Variants in LDLRAD4 observed in about 807,000 individuals in gnomAD.
The protein encoded by LDLRAD4 is low-density lipoprotein receptor class A domain-containing protein 4.
In LDLRAD4, 5 loss-of-function variants were observed where a neutral mutation model predicts 17.0. The observed-to-expected ratio is 0.29, with a 90% CI of 0.15 to 0.62. LDLRAD4 has a LOEUF of 0.62. Among genes scored for constraint, LDLRAD4 ranks in the 20% least tolerant of loss-of-function variants. LDLRAD4 has a pLI of 0.84. For synonymous variants in LDLRAD4, 168 were observed against 171.8 expected, an observed-to-expected ratio of 0.98 and a Z score of 0.17; for missense variants, 340 against 424.7, an observed-to-expected ratio of 0.80 and a Z score of 1.75.
intron 3 of LDLRAD4, among the ~76,000 whole-genome samples, chr18:13,518,710 G>T (rs950891018): frequency 1.3e-5 from 2 of 152,184 alleles, no homozygotes; most frequent in Non-Finnish European, 2.9e-5. Context: ...ATACCCACCA[G>T]ATGTCTTGGA....
intron 1 of LDLRAD4, among the ~76,000 whole-genome samples, chr18:13,371,084 T>C (rs1217926685): frequency 6.6e-6 from 1 of 152,230 alleles, no homozygotes; most frequent in Non-Finnish European, 1.5e-5. Flanking sequence ...CTGTGGCTCC[T>C]GGCGGACTCT....
intron 3 of LDLRAD4, among the ~76,000 whole-genome samples, chr18:13,604,371 G>T (rs1257383834): frequency 1.3e-5 from 2 of 152,224 alleles, no homozygotes; most frequent in Non-Finnish European, 2.9e-5. Context: ...CCCCAGGGGT[G>T]CGGTCACTTG....
At chr18:13,510,067 A>G (rs908786373) in intron 3 of LDLRAD4, among the ~76,000 whole-genome samples, 3 of 152,232 alleles carry the variant, frequency 2.0e-5, no homozygotes, top group Non-Finnish European at 2.9e-5. Flanking sequence ...CTTTGTTGCA[A>G]TATTCACTTT....
At chr18:13,604,244 G>A (rs1022629893) in intron 3 of LDLRAD4, among the ~76,000 whole-genome samples, 2 of 152,216 alleles carry the variant, frequency 1.3e-5, no homozygotes, top group African/African-American at 2.4e-5. Flanking sequence ...AGGTCTTGGA[G>A]CCACCTGGAC....
chr18:13,577,585 G>A (rs1274993954), intron 3 of LDLRAD4, among the ~76,000 whole-genome samples: 1 of 152,084 alleles, frequency 6.6e-6, no homozygotes, highest in Non-Finnish European at 1.5e-5. Context: ...AAACTAAAAC[G>A]GGAAGTCATT....
rs371706122 is a variant in LDLRAD4, at chr18:13,633,623, T to A, written c.337-9736T>A. Among the ~76,000 whole-genome samples the A allele has an allele frequency of 1.6e-4, 25 of 152,338 alleles. No homozygotes were observed. In the South Asian group the frequency reaches 4.8e-3, roughly 29 times the overall value. ...CAAATTGTGACACACCTGGCCAAAT[T>A]GTGACACACCTGGCCAAATTGTGAC... On this transcript the variant is annotated intron_variant, in intron 4 of 5. Coordinates refer to ENST00000359446, the Ensembl canonical transcript of LDLRAD4.
At chr18:13,250,904 A>G (rs1462300831) in intron 1 of LDLRAD4, among the ~76,000 whole-genome samples, 1 of 152,248 alleles carries the variant, frequency 6.6e-6, no homozygotes. Flanking sequence ...CCCTGACACA[A>G]AAAGCAAATA....
chr18:13,566,552 G>A (rs1248671396), intron 3 of LDLRAD4, among the ~76,000 whole-genome samples: 2 of 151,940 alleles, frequency 1.3e-5, no homozygotes, highest in African/African-American at 2.4e-5. Flanking sequence ...TAGTAGAGAC[G>A]GGGTTTCACC....
intron 2 of LDLRAD4, among the ~76,000 whole-genome samples, chr18:13,390,514 A>G (rs1325657215): frequency 6.6e-6 from 1 of 152,098 alleles, no homozygotes; most frequent in Non-Finnish European, 1.5e-5. Context: ...TCTTGGCATC[A>G]CCTAGACCTG....
At chr18:13,389,725 C>T (rs900408268) in intron 2 of LDLRAD4, among the ~76,000 whole-genome samples, 1 of 152,180 alleles carries the variant, frequency 6.6e-6, no homozygotes, top group South Asian at 2.1e-4. Context: ...GTGGCTCCCA[C>T]TGAGACACCC....
intron 3 of LDLRAD4, chr18:13,520,628 G>C (rs1432882219): frequency 6.6e-6 from 1 of 152,218 alleles, no homozygotes; most frequent in African/African-American, 2.4e-5. Flanking sequence ...CAAGATGGGA[G>C]GGTCTCTTGA....
intron 1 of LDLRAD4, among the ~76,000 whole-genome samples, chr18:13,247,266 A>T (rs1003112870): frequency 6.6e-6 from 1 of 152,202 alleles, no homozygotes; most frequent in African/African-American, 2.4e-5. Context: ...CAGAAGACTT[A>T]CGAAGATTGT....
At chr18:13,404,116 A>C (rs552101273) in intron 2 of LDLRAD4, among the ~76,000 whole-genome samples, 1 of 152,380 alleles carries the variant, frequency 6.6e-6, no homozygotes, top group South Asian at 2.1e-4. Flanking sequence ...ATAAGAGGCC[A>C]GTATTTTCAG....
At position 13,567,705 on chromosome 18, in the gene LDLRAD4, T is replaced by C. The variant is rs554859362; in HGVS notation, c.182-53412T>C. On this transcript the variant is annotated intron_variant, in intron 3 of 5. Coordinates refer to ENST00000359446, the Ensembl canonical transcript of LDLRAD4. ...GGTCATAATTGTGACGTTGGTAAAA[T>C]AGAGAAAGTTCCCTTTTGAAAATTG... Among the ~76,000 whole-genome samples, 4 of 151,562 alleles carry C rather than the reference T, an allele frequency of 2.6e-5. No individual in the cohort carries two copies. The East Asian group carries it at 7.7e-4, about 29-fold the overall frequency.
chr18:13,422,958 C>CAACTCCCTGGGGAGTCTAGCAGG (rs1308935377), intron 2 of LDLRAD4, among the ~76,000 whole-genome samples: 4 of 152,024 alleles, frequency 2.6e-5, no homozygotes, highest in Non-Finnish European at 5.9e-5. Flanking sequence ...GAGCTGGTAG[C>CAACTCCCTGGGGAGTCTAGCAGG]AACTCCCTGG....
intron 1 of LDLRAD4, among the ~76,000 whole-genome samples, chr18:13,376,447 C>G (rs1319048463): frequency 6.6e-6 from 1 of 152,212 alleles, no homozygotes; most frequent in Non-Finnish European, 1.5e-5. Context: ...GTTATATTCC[C>G]TCTTGCCAGC....
intron 3 of LDLRAD4, among the ~76,000 whole-genome samples, chr18:13,576,609 C>T (rs1436779768): frequency 3.9e-5 from 6 of 152,230 alleles, no homozygotes; most frequent in Admixed American, 2.0e-4. Flanking sequence ...GGGTGCTGTC[C>T]GGGGTCAGTT....
chr18:13,586,405 T>TGAAAAAAAAAAAAAA (rs1568371771), intron 3 of LDLRAD4, among the ~76,000 whole-genome samples: 1 of 1,612 alleles, frequency 6.2e-4, no homozygotes, highest in South Asian at 0.011. Context: ...AGACTCTGTC[T>TGAAAAAAAAAAAAAA]CAAAAAAAAA....
intron 4 of LDLRAD4, chr18:13,641,821 T>C (rs2042586087): frequency 2.0e-6 from 2 of 985,524 alleles, no homozygotes; most frequent in Admixed American, 6.1e-5. Context: ...CCGGGTTTGC[T>C]GGTTTTTCGG....
Sources: allele counts gnomAD v4.1 joint callset (sites outside exome capture counted in the v4.1 genomes callset), GRCh38; gene constraint gnomAD v4.1.1; transcripts MANE v1.5; gene names NCBI Gene and HGNC (gene_info 2026-07-23, HGNC 2026-07-21).